Variants in LRP1B observed in about 807,000 individuals in gnomAD.
LRP1B encodes the protein low-density lipoprotein receptor-related protein 1B.
LRP1B carries 217 observed loss-of-function variants against 556.6 expected under a neutral mutation model. The observed-to-expected ratio is 0.39, with a 90% confidence interval of 0.35 to 0.44. The LOEUF (loss-of-function observed/expected upper bound fraction) is 0.44, where lower values mean the gene tolerates loss of function less well. Ranked by LOEUF, LRP1B falls within the 20% of genes least tolerant of loss-of-function variation. The pLI is 1.00. For missense variants in LRP1B, 5,053 were observed against 5,620.8 expected (o/e 0.90, Z 3.23); for synonymous variants, 2,047 against 1,865.8 (o/e 1.10, Z -2.50).
chr2:141,700,440 C>A (rs1574258381), intron 2 of LRP1B, among the ~76,000 whole-genome samples: 2 of 151,902 alleles, frequency 1.3e-5, no homozygotes, highest in East Asian at 3.9e-4. Flanking sequence ...AAATTGTAAT[C>A]TCATATGACC....
intron 84 of LRP1B, among the ~76,000 whole-genome samples, chr2:140,297,587 T>C (rs1192207052): frequency 2.0e-5 from 3 of 151,988 alleles, no homozygotes; most frequent in African/African-American, 4.8e-5. Flanking sequence ...CAGGGAATGG[T>C]TATAATAATG....
chr2:141,610,189 G>A lies in LRP1B; in HGVS notation c.206-129656C>T, dbSNP rs1012236600. Among the ~76,000 whole-genome samples the A allele has an allele frequency of 2.9e-5, 4 of 135,678 alleles. No individual in the cohort carries two copies. In the Admixed American group the frequency reaches 3.1e-4, roughly 11 times the overall value. 89.0% of individuals were successfully genotyped at this position (135,678 alleles called of 152,430 possible). On this transcript the variant is annotated intron_variant, in intron 2 of 90. Coordinates refer to ENST00000389484, the MANE Select transcript of LRP1B (RefSeq NM_018557.3). ...AGAAACCCTATTTCGTGGGGGGAGG[G>A]ATAGCATTAGGAGATATACCTAATG...
chr2:140,941,206 T>C (rs1308305490), intron 20 of LRP1B, among the ~76,000 whole-genome samples: 1 of 152,140 alleles, frequency 6.6e-6, no homozygotes, highest in African/African-American at 2.4e-5. Context: ...ATATTGATGA[T>C]GAAAAATGGA....
At chr2:140,958,600 G>A in intron 18 of LRP1B, among the ~76,000 whole-genome samples, 1 of 151,560 alleles carries the variant, frequency 6.6e-6, no homozygotes, top group Non-Finnish European at 1.5e-5. Flanking sequence ...AGAAAATCAG[G>A]ATAGCAAGCA....
chr2:140,846,838 G>C (rs1692288768), intron 29 of LRP1B, among the ~76,000 whole-genome samples: 1 of 152,162 alleles, frequency 6.6e-6, no homozygotes, highest in African/African-American at 2.4e-5. Flanking sequence ...ACAATTACTG[G>C]TGGAATTTGA....
chr2:140,302,260 G>A (rs138844978), intron 83 of LRP1B, among the ~76,000 whole-genome samples: 368 of 152,128 alleles, frequency 2.4e-3, no homozygotes, highest in African/African-American at 8.2e-3. Context: ...CCAATTTTCT[G>A]ATTCTGGGCT....
intron 41 of LRP1B, among the ~76,000 whole-genome samples, chr2:140,693,072 C>A (rs1390528505): frequency 2.6e-5 from 4 of 152,020 alleles, no homozygotes; most frequent in Non-Finnish European, 5.9e-5. Context: ...AATCAATTTA[C>A]ATAAAAGTTA....
intron 3 of LRP1B, among the ~76,000 whole-genome samples, chr2:141,477,378 A>G (rs1006936381): frequency 1.3e-5 from 2 of 151,934 alleles, no homozygotes; most frequent in Non-Finnish European, 2.9e-5. Flanking sequence ...TTTTCTGTCT[A>G]TAGTGGATAA....
At chr2:141,589,412 T>G (rs1687255276) in intron 2 of LRP1B, among the ~76,000 whole-genome samples, 2 of 152,190 alleles carry the variant, frequency 1.3e-5, no homozygotes, top group Non-Finnish European at 2.9e-5. Context: ...TGTGTTTACC[T>G]TTATAGCTCG....
rs147806073 is a variant in LRP1B at position 141,763,337 on chromosome 2, C to T, written c.205+46942G>A. 2.8e-3 allele frequency among the ~76,000 whole-genome samples: 418 copies of T among 151,822 alleles called. 4 individuals are homozygous for T. Among genetic ancestry groups the T allele is most frequent in the African/African-American group, 9.6e-3 (396 of 41,388 alleles). ...AAATGTTGATGTTGAAAGCTCAAAC[C>T]TATACTAAGAAATTTTCTGAAAGAG... On this transcript the variant is annotated intron_variant, in intron 2 of 90. Transcript: ENST00000389484.
chr2:140,475,003 T>C (rs1687911781), intron 60 of LRP1B, 135 bp downstream of exon 60: 1 of 337,946 alleles, frequency 3.0e-6, no homozygotes, highest in African/African-American at 2.1e-5. Flanking sequence ...ACCAATATTT[T>C]TATAAAGAAG....
intron 3 of LRP1B, among the ~76,000 whole-genome samples, chr2:141,458,004 G>A (rs983126571): frequency 6.6e-6 from 1 of 152,144 alleles, no homozygotes; most frequent in Non-Finnish European, 1.5e-5. Flanking sequence ...TGAGTAATAA[G>A]CTTTCATTGT....
At chr2:141,426,127 C>G (rs920304738) in intron 3 of LRP1B, among the ~76,000 whole-genome samples, 2 of 151,952 alleles carry the variant, frequency 1.3e-5, no homozygotes, top group Non-Finnish European at 2.9e-5. Context: ...CCAGTTTCAG[C>G]TTTCTACATA....
intron 18 of LRP1B, among the ~76,000 whole-genome samples, chr2:140,956,127 T>A (rs1695865291): frequency 6.6e-6 from 1 of 151,750 alleles, no homozygotes; most frequent in African/African-American, 2.4e-5. Flanking sequence ...ACCTATTATT[T>A]ATTGAATATA....
At chr2:141,583,448 G>A (rs181016881) in intron 2 of LRP1B, among the ~76,000 whole-genome samples, 1 of 151,924 alleles carries the variant, frequency 6.6e-6, no homozygotes, top group Non-Finnish European at 1.5e-5. Flanking sequence ...TCATCAAGTG[G>A]TAGAACAAGC....
chr2:141,467,108 A>ATATATATATATATATATG (rs1682250308), intron 3 of LRP1B, among the ~76,000 whole-genome samples: 5 of 6,516 alleles, frequency 7.7e-4, no homozygotes, highest in African/African-American at 1.7e-3. Flanking sequence ...ATGTGTATAT[A>ATATATATATATATATATG]TATATATATA....
intron 1 of LRP1B, among the ~76,000 whole-genome samples, chr2:142,003,680 G>A (rs2105141556): frequency 6.6e-6 from 1 of 152,318 alleles, no homozygotes; most frequent in African/African-American, 2.4e-5. Context: ...GGAAGAACGA[G>A]GGTAGATGTA....
intron 11 of LRP1B, among the ~76,000 whole-genome samples, chr2:141,031,935 T>C (rs1350131274): frequency 6.6e-6 from 1 of 151,874 alleles, no homozygotes; most frequent in Non-Finnish European, 1.5e-5. Flanking sequence ...AAAAAAAAAC[T>C]TGTATTTACA....
At chr2:140,438,217 C>G (rs559307530) in intron 66 of LRP1B, among the ~76,000 whole-genome samples, 23 of 152,234 alleles carry the variant, frequency 1.5e-4, no homozygotes, top group African/African-American at 4.3e-4. Context: ...GATGCCCAGG[C>G]TGGTCTTAAA....
Sources: allele counts gnomAD v4.1 joint callset (sites outside exome capture counted in the v4.1 genomes callset), GRCh38; gene constraint gnomAD v4.1.1; transcripts MANE v1.5; gene names NCBI Gene and HGNC (gene_info 2026-07-23, HGNC 2026-07-21).